The following GCAT variants were observed in gnomAD, a reference collection of about 807,000 sequenced individuals.
GCAT encodes 2-amino-3-ketobutyrate coenzyme A ligase, mitochondrial.
In GCAT, 26 loss-of-function variants were observed where a neutral mutation model predicts 39.7. The ratio of observed to expected loss-of-function variants is 0.65; its 90% CI spans 0.48 to 0.91. The LOEUF is 0.91. Ranked by LOEUF, GCAT falls within the 40% of genes least tolerant of loss-of-function variation. GCAT has a pLI of 0.00. For missense variants in GCAT, 550 were observed against 576.2 expected (o/e 0.95, Z 0.47); for synonymous variants, 218 against 237.2 (o/e 0.92, Z 0.74).
chr22:37,808,151 G>A lies in GCAT; in HGVS notation c.184G>A (p.Gly62Ser), dbSNP rs747801708. 1 of 1,509,064 alleles carries A rather than the reference G, an allele frequency of 6.6e-7. No homozygotes were observed. The highest frequency in any genetic ancestry group is 8.9e-7 in the Non-Finnish European group (1 of 1,128,664). 93.5% of individuals were successfully genotyped at this position (1,509,064 alleles called of 1,614,324 possible). Residue 62 changes from glycine (G) to serine (S), a missense_variant, in exon 1 of 9, where the codon GGC becomes AGC. Transcript: ENST00000248924. ...SRQGPHIRVDGVSGGILNFCA... is the reference protein window; with the variant it reads ...SRQGPHIRVDSVSGGILNFCA... ...TCAGGGGCCGCACATCCGCGTGGAC[G>A]GCGTCTCCGGAGGTAACGCTCCGTT...
At position 37,815,762 on chromosome 22, in the gene GCAT, G is replaced by A. The variant is rs150110413; in HGVS notation, c.914G>A (p.Cys305Tyr). 4 of 1,613,778 alleles carry A rather than the reference G, an allele frequency of 2.5e-6. No homozygotes were observed. The Admixed American group carries it at 5.0e-5, about 20-fold the overall frequency. ...AGTCTGCCACCTGCTGTCGTTGGCT[G>A]CGCCTCCAAGGCCCTAGATCTGCTG... ...SNSLPPAVVG[C>Y]ASKALDLLMG... Residue 305 changes from cysteine to tyrosine, a missense_variant, in exon 7 of 9, where the codon TGC becomes TAC. By Grantham distance (194) the Cys-to-Tyr change is radical. Coordinates refer to ENST00000248924, the MANE Select transcript of GCAT (RefSeq NM_014291.4).
chr22:37,816,149 G>T (rs763331913), intron 7 of GCAT, 51 bp from the exon 8 acceptor site: 77 of 1,597,376 alleles, frequency 4.8e-5, no homozygotes, highest in Non-Finnish European at 6.1e-5. Flanking sequence ...CAAGGAGCGG[G>T]TGTGAATGCT....
In GCAT at chr22:37,808,161, G is replaced by C; in HGVS notation, c.194G>C (p.Gly65Ala). 6.7e-7 allele frequency: 1 copy of C among 1,499,296 alleles called. No individual in the cohort carries two copies. Among genetic ancestry groups the C allele is most frequent in the Non-Finnish European group, 8.9e-7 (1 of 1,123,114 alleles). 92.9% of individuals were successfully genotyped at this position (1,499,296 alleles called of 1,614,324 possible). A position where few individuals can be genotyped will look rare whatever the true frequency, so the allele number is the denominator to read the frequency against. The change falls in exon 1 of 9, where the codon GGA becomes GCA. Residue 65 changes from glycine to alanine, a missense_variant and splice_region_variant. Around this residue, in one of 3 missense-constraint regions of GCAT, gnomAD observed 154 missense variants for 141.9 expected, o/e 1.08. Transcript: ENST00000248924. ...CACATCCGCGTGGACGGCGTCTCCG[G>C]AGGTAACGCTCCGTTCCGGGAGTCG... ...GPHIRVDGVS[G>A]GILNFCANNY...
At position 37,808,046 on chromosome 22, in the gene GCAT, C is replaced by T; in HGVS notation, c.79C>T (p.Leu27=). The T allele has an allele frequency of 6.4e-7, 1 of 1,557,262 alleles. No homozygotes were observed. The highest frequency in any genetic ancestry group is 8.7e-7 in the Non-Finnish European group (1 of 1,152,620). The change falls in exon 1 of 9, where the codon CTG becomes TTG. Residue 27 remains leucine, a synonymous_variant. Transcript: ENST00000248924. ...CCGCGCACAGTCAGCGCTGGCCCAG[C>T]TGCGTGGCATTCTGGAGGGGGAGCT... The part of the protein sequence containing the change: ...GRRAQSALAQ[L]RGILEGELEG...
intron 1 of GCAT, 127 bp from the exon 2 acceptor site, chr22:37,809,897 GCCT>G: frequency 8.5e-7 from 1 of 1,179,154 alleles, no homozygotes; most frequent in Non-Finnish European, 1.2e-6. Context: ...TGAATTTGGT[GCCT>G]CCTCAATGGT....
intron 2 of GCAT, 135 bp from the exon 3 acceptor site, chr22:37,812,752 T>C (rs1158149247): frequency 9.0e-6 from 6 of 665,868 alleles, no homozygotes; most frequent in Admixed American, 2.3e-5. Context: ...ATAGCCCATG[T>C]GTGGCAGAAA....
chr22:37,813,573 C>T lies in GCAT; in HGVS notation c.540C>T (p.Asp180=). The T allele has an allele frequency of 6.2e-7, 1 of 1,612,804 alleles. No homozygotes were observed. Among genetic ancestry groups the T allele is most frequent in the Non-Finnish European group, 8.5e-7 (1 of 1,179,678 alleles). Residue 180 remains aspartate, a synonymous_variant, in exon 4 of 9, where the codon GAC becomes GAT. Transcript: ENST00000248924. The stretch of plus-strand genomic sequence containing the variant: ...ACAAGTACCGCTATCGCCACCTGGA[C>T]ATGGCCGACCTAGAAGCCAAGCTGC... ...KAHKYRYRHL[D]MADLEAKLQE...
intron 4 of GCAT, 106 bp downstream of exon 4, chr22:37,813,715 C>A: frequency 9.4e-7 from 1 of 1,067,998 alleles, no homozygotes; most frequent in Non-Finnish European, 1.3e-6. Flanking sequence ...TTTGAAACAG[C>A]AGAGATTTGT....
Position 37,813,626 on chromosome 22 carries a change from G to C in GCAT, c.576+17G>C, listed in dbSNP as rs1921856371. 1 of 1,588,916 alleles carries C rather than the reference G, an allele frequency of 6.3e-7. No homozygotes were observed. The highest frequency in any genetic ancestry group is 1.3e-5 in the African/African-American group (1 of 74,562). The stretch of plus-strand genomic sequence containing the variant: ...GAGGCCCAGGTGGGGCGACGCCTGG[G>C]TCCACCCTCAGCCTCCGCCTGGGGA... On this transcript the variant is annotated intron_variant, in intron 4 of 8. Transcript: ENST00000248924.
rs377098157 is a variant in GCAT at position 37,813,034 on chromosome 22, G to A, written c.429+46G>A. 1.5e-5 allele frequency: 20 copies of A among 1,309,396 alleles called. No homozygotes were observed. In the African/African-American group the frequency reaches 2.7e-4, roughly 18 times the overall value. The allele number at this position is 1,309,396 out of a possible 1,614,324, so 81.1% of individuals were successfully genotyped here. On this transcript the variant is annotated intron_variant, in intron 3 of 8. Coordinates refer to ENST00000248924, the MANE Select transcript of GCAT (RefSeq NM_014291.4). ...GGGTGAGGGTTGGTGGGGCCTGTTA[G>A]GCTGAGGAAGGCTTGGGTGTGGGCA...
chr22:37,812,253 G>C (rs13058437), intron 2 of GCAT, among the ~76,000 whole-genome samples: 38,111 of 151,858 alleles, frequency 0.25, 5,672 homozygotes, highest in South Asian at 0.37. Context: ...GAGTTGGGAG[G>C]ATCACTTGAG....
chr22:37,810,050 A>C lies in GCAT; in HGVS notation c.220A>C (p.Asn74His). 6.2e-7 allele frequency: 1 copy of C among 1,614,128 alleles called. No homozygotes were observed. Among genetic ancestry groups the C allele is most frequent in the African/African-American group, 1.3e-5 (1 of 75,056 alleles). Residue 74 changes from asparagine to histidine, a missense_variant, in exon 2 of 9, where the codon AAC (asparagine) becomes CAC (histidine). Around this residue, in one of 3 missense-constraint regions of GCAT, gnomAD observed 154 missense variants for 141.9 expected, o/e 1.08. Transcript: ENST00000248924. ...SGGILNFCANNYLGLSSHPEV... is the reference protein window; with the variant it reads ...SGGILNFCANHYLGLSSHPEV... ...AGGAATCCTTAACTTCTGTGCCAAC[A>C]ACTACCTGGGCCTGAGCAGCCACCC...
At chr22:37,808,375 T>G (rs1438038218) in intron 1 of GCAT, among the ~76,000 whole-genome samples, 1 of 152,258 alleles carries the variant, frequency 6.6e-6, no homozygotes, top group African/African-American at 2.4e-5. Context: ...AAAACCCGCA[T>G]TTCTTGAGCG....
At chr22:37,814,878 G>A (rs1288433706) in intron 4 of GCAT, among the ~76,000 whole-genome samples, 1 of 152,220 alleles carries the variant, frequency 6.6e-6, no homozygotes, top group Admixed American at 6.5e-5. Flanking sequence ...CCTGCCCTCT[G>A]GGACCTTACA....
intron 8 of GCAT, 39 bp from the exon 9 acceptor site, chr22:37,816,528 C>T (rs1360514723): frequency 1.2e-6 from 2 of 1,611,470 alleles, no homozygotes; most frequent in Non-Finnish European, 1.7e-6. Context: ...GCCCCCAAGC[C>T]TGTTGGTTCT....
In GCAT at chr22:37,813,618, ACGCCTGGGTCCACCCTCAGCCTC is replaced by A. The variant is rs774561249; in HGVS notation, c.576+18_576+40del. ...AGCTGCAGGAGGCCCAGGTGGGGCGACGCCTGGGTCCACCCTCAGCCTCCGCCTGGGGAAGGAAGTGAGGCTTA... is the reference window on the plus strand; with the variant it reads ...AGCTGCAGGAGGCCCAGGTGGGGCGACGCCTGGGGAAGGAAGTGAGGCTTA... On this transcript the variant is annotated intron_variant, in intron 4 of 8. Coordinates refer to ENST00000248924, the MANE Select transcript of GCAT (RefSeq NM_014291.4). 20 of 1,596,118 alleles carry A rather than the reference ACGCCTGGGTCCACCCTCAGCCTC, an allele frequency of 1.3e-5. No individual in the cohort carries two copies. The African/African-American group carries it at 1.5e-4, about 12-fold the overall frequency.
chr22:37,811,892 G>C (rs867758347), intron 2 of GCAT, among the ~76,000 whole-genome samples: 1 of 91,052 alleles, frequency 1.1e-5, no homozygotes, highest in Non-Finnish European at 2.4e-5. Context: ...AAAAAAAAAA[G>C]AACATTACAA....
In GCAT at chr22:37,816,320, A is replaced by T. The variant is rs1181962355; in HGVS notation, c.1107A>T (p.Arg369Ser). 7 of 1,610,254 alleles carry T rather than the reference A, an allele frequency of 4.3e-6. No individual in the cohort carries two copies. The Admixed American group carries it at 6.7e-5, about 15-fold the overall frequency. Reference sequence around the variant, plus strand: ...GCATGGCGGATGACATGCTGAAGAGAGGTAAGGGTGCTGAGACAAGGGAAC... The same window carrying T: ...GCATGGCGGATGACATGCTGAAGAGTGGTAAGGGTGCTGAGACAAGGGAAC... The part of the protein sequence containing the change: ...ASRMADDMLK[R>S]GIFVIGFSYP... Residue 369 changes from arginine (R) to serine (S), a missense_variant and splice_region_variant, in exon 8 of 9, where the codon AGA becomes AGT. Physicochemically the swap from Arg to Ser is moderately radical, Grantham distance 110. Transcript: ENST00000248924.
At chr22:37,811,638 A>T (rs1183206492) in intron 2 of GCAT, among the ~76,000 whole-genome samples, 1 of 151,998 alleles carries the variant, frequency 6.6e-6, no homozygotes, top group Non-Finnish European at 1.5e-5. Context: ...CTTTTAAGAA[A>T]ATTACAACTA....
Sources: gnomAD v4.1 joint callset for allele counts (sites outside exome capture counted in the v4.1 genomes callset) on GRCh38, gnomAD v4.1.1 for gene constraint, gnomAD v4.1.1 regional missense constraint, MANE v1.5 for transcripts, NCBI Gene and HGNC (gene_info 2026-07-23, HGNC 2026-07-21) for gene names.